The following HIPK2 variants were observed in gnomAD, a reference collection of about 807,000 sequenced individuals.
HIPK2 encodes homeodomain interacting protein kinase 2.
HIPK2 carries 27 observed loss-of-function variants against 113.7 expected under a neutral mutation model. The observed-to-expected ratio is 0.24, with a 90% CI of 0.17 to 0.33. The LOEUF (loss-of-function observed/expected upper bound fraction) is 0.33, where lower values mean the gene tolerates loss of function less well. Ranked by LOEUF, HIPK2 falls within the 10% of genes least tolerant of loss-of-function variation. HIPK2 has a pLI of 1.00. For missense variants in HIPK2, 1,257 were observed against 1,588.0 expected (o/e 0.79, Z 3.54); for synonymous variants, 631 against 642.2 (o/e 0.98, Z 0.26).
At chr7:139,674,876 G>T (rs769742748) in intron 2 of HIPK2, among the ~76,000 whole-genome samples, 9 of 152,164 alleles carry the variant, frequency 5.9e-5, no homozygotes, top group Non-Finnish European at 8.8e-5. Flanking sequence ...TGGACTGGAG[G>T]TTCCATCCCA....
At chr7:139,646,450 T>C (rs1036814025) in intron 2 of HIPK2, among the ~76,000 whole-genome samples, 2 of 146,212 alleles carry the variant, frequency 1.4e-5, no homozygotes, top group Non-Finnish European at 3.0e-5. Context: ...CAGTGAGCTG[T>C]GATCACGCCA....
chr7:139,733,510 T>C (rs1183068729), intron 1 of HIPK2, among the ~76,000 whole-genome samples: 2 of 152,210 alleles, frequency 1.3e-5, no homozygotes, highest in Non-Finnish European at 2.9e-5. Context: ...CTCAACTTTT[T>C]TGATTAAGCA....
rs1013863853 is a variant in HIPK2, at chr7:139,692,527, G to C, written c.1103+23405C>G. On this transcript the variant is annotated intron_variant, in intron 2 of 14. Coordinates refer to ENST00000406875, the MANE Select transcript of HIPK2 (RefSeq NM_022740.5). ...CCTGTGTACAGAGAGGGGTGACCGT[G>C]GCTCCCTGACATGAAGTAGGTTTCT... Among the ~76,000 whole-genome samples the C allele has an allele frequency of 2.6e-5, 4 of 152,286 alleles. No individual in the cohort carries two copies. In the South Asian group the frequency reaches 6.2e-4, roughly 24 times the overall value.
At chr7:139,678,083 T>C (rs1319117309) in intron 2 of HIPK2, among the ~76,000 whole-genome samples, 1 of 152,234 alleles carries the variant, frequency 6.6e-6, no homozygotes, top group Non-Finnish European at 1.5e-5. Context: ...TTTTTTCTTG[T>C]AAATTTGTTT....
In HIPK2 at chr7:139,751,561, G is replaced by T. The variant is rs28392918; in HGVS notation, c.19+26044C>A. Reference sequence around the variant, plus strand: ...AGGGAGGGAGGGAGGGAGGGAGGGAGGGATGGATGGATGGATGGTTGGATG... The same window carrying T: ...AGGGAGGGAGGGAGGGAGGGAGGGATGGATGGATGGATGGATGGTTGGATG... On this transcript the variant is annotated intron_variant, in intron 1 of 14. Coordinates refer to ENST00000406875, the MANE Select transcript of HIPK2 (RefSeq NM_022740.5). 2.5e-3 allele frequency among the ~76,000 whole-genome samples: 323 copies of T among 131,116 alleles called. 1 individual carries two copies. Among genetic ancestry groups the T allele is most frequent in the South Asian group, 0.011 (50 of 4,492 alleles). 86.0% of individuals were successfully genotyped at this position (131,116 alleles called of 152,430 possible). A position where few individuals can be genotyped will look rare whatever the true frequency, so the allele number is the denominator to read the frequency against.
Position 139,716,806 on chromosome 7 carries a change from T to C in HIPK2, c.229A>G (p.Ser77Gly). 3 of 1,613,830 alleles carry C rather than the reference T, an allele frequency of 1.9e-6. No individual in the cohort carries two copies. Among genetic ancestry groups the C allele is most frequent in the Non-Finnish European group, 2.5e-6 (3 of 1,179,840 alleles). ...VSTSLPVPNP[S>G]LPYEQTIVFP... ...ACGATGGTCTGCTCGTAAGGTAGGC[T>C]TGGGTTTGGGACCGGCAAGGAGGTG... The change falls in exon 2 of 15, where the codon AGC (serine) becomes GGC (glycine). Residue 77 changes from serine to glycine, a missense_variant. This residue lies in a region of HIPK2 where 209 missense variants were observed against 237.8 expected (regional missense o/e 0.88). Transcript: ENST00000406875. This position sits in a 1 kb window ranked among gnomAD's most constrained non-coding sequence, Gnocchi z 9.3.
At chr7:139,687,358 A>G (rs763593296) in intron 2 of HIPK2, among the ~76,000 whole-genome samples, 3 of 152,210 alleles carry the variant, frequency 2.0e-5, no homozygotes, top group Non-Finnish European at 2.9e-5. Context: ...AGTTTTTTAT[A>G]TGCACTAAGA....
At chr7:139,715,813 A>C in intron 2 of HIPK2, 119 bp downstream of exon 2, 1 of 1,361,422 alleles carries the variant, frequency 7.3e-7, no homozygotes, top group Admixed American at 2.5e-5. Context: ...CATTAAGATC[A>C]CTTGAAGGCA....
intron 2 of HIPK2, among the ~76,000 whole-genome samples, chr7:139,660,830 A>G (rs1372412136): frequency 6.6e-6 from 1 of 152,130 alleles, no homozygotes; most frequent in Non-Finnish European, 1.5e-5. Flanking sequence ...AGACAGAGAA[A>G]CTCACAGGCC....
At chr7:139,577,908 TGG>T (rs1285611515) in intron 13 of HIPK2, among the ~76,000 whole-genome samples, 1 of 152,050 alleles carries the variant, frequency 6.6e-6, no homozygotes, top group African/African-American at 2.4e-5. Flanking sequence ...TGGAGCGCAG[TGG>T]TGTGATCTTG....
At chr7:139,758,114 C>T (rs1796391485) in intron 1 of HIPK2, among the ~76,000 whole-genome samples, 1 of 152,086 alleles carries the variant, frequency 6.6e-6, no homozygotes, top group African/African-American at 2.4e-5. Flanking sequence ...AATGGAAATA[C>T]CAACAGGCTT....
intron 1 of HIPK2, 31 bp downstream of exon 1, chr7:139,777,574 C>G: frequency 1.0e-6 from 1 of 1,004,192 alleles, no homozygotes; most frequent in Non-Finnish European, 1.2e-6. Flanking sequence ...GGGCGGCGGG[C>G]GCGGGGTCGG....
intron 7 of HIPK2, among the ~76,000 whole-genome samples, chr7:139,615,068 C>A (rs2116799992): frequency 6.6e-6 from 1 of 152,340 alleles, no homozygotes; most frequent in Non-Finnish European, 1.5e-5. Flanking sequence ...TCCCCTCGGG[C>A]CTGGTGGGTG....
chr7:139,582,780 C>A (rs141145761), intron 13 of HIPK2, among the ~76,000 whole-genome samples: 1 of 152,206 alleles, frequency 6.6e-6, no homozygotes, highest in Non-Finnish European at 1.5e-5. Context: ...CTTGGGAGAG[C>A]GTGCCAGGGC....
intron 2 of HIPK2, among the ~76,000 whole-genome samples, chr7:139,652,812 C>A (rs1447847809): frequency 6.6e-6 from 1 of 152,084 alleles, no homozygotes; most frequent in East Asian, 1.9e-4. Context: ...GGTAAGAAAA[C>A]ATCATTAACG....
At chr7:139,645,528 A>G (rs373830803) in intron 2 of HIPK2, among the ~76,000 whole-genome samples, 9 of 152,344 alleles carry the variant, frequency 5.9e-5, no homozygotes, top group African/African-American at 1.9e-4. Context: ...AACTACTGAG[A>G]AAGCAGGGCC....
At chr7:139,586,721 T>C (rs1293668218) in intron 12 of HIPK2, among the ~76,000 whole-genome samples, 2 of 151,750 alleles carry the variant, frequency 1.3e-5, no homozygotes, top group East Asian at 3.9e-4. Flanking sequence ...ATCACACCAC[T>C]GCACTCCAGC....
intron 1 of HIPK2, among the ~76,000 whole-genome samples, chr7:139,770,443 C>T (rs1182725785): frequency 6.6e-6 from 1 of 152,098 alleles, no homozygotes; most frequent in Non-Finnish European, 1.5e-5. Flanking sequence ...AGCCCTTGGA[C>T]GAATGATTTT....
At chr7:139,610,485 G>T (rs1332485543) in intron 9 of HIPK2, among the ~76,000 whole-genome samples, 1 of 152,158 alleles carries the variant, frequency 6.6e-6, no homozygotes, top group East Asian at 1.9e-4. Flanking sequence ...CAAATAAAAG[G>T]AAGCTACAAG....
Sources: gnomAD v4.1 joint callset for allele counts (sites outside exome capture counted in the v4.1 genomes callset) on GRCh38, gnomAD v4.1.1 for gene constraint, gnomAD v4.1.1 regional missense constraint, Gnocchi (gnomAD v3.1) non-coding constraint, MANE v1.5 for transcripts, NCBI Gene and HGNC (gene_info 2026-07-23, HGNC 2026-07-21) for gene names.